The following HECW2 variants were observed in gnomAD, a reference collection of about 807,000 sequenced individuals.
The protein encoded by HECW2 is HECT, C2 and WW domain containing E3 ubiquitin protein ligase 2, also known as E3 ubiquitin-protein ligase HECW2.
In HECW2, 61 loss-of-function variants were observed where a neutral mutation model predicts 175.2. The observed-to-expected ratio is 0.35, with a 90% CI of 0.28 to 0.43. The LOEUF (loss-of-function observed/expected upper bound fraction) is 0.43. HECW2 is among the 20% of genes least tolerant of loss of function. The pLI is 1.00. For synonymous variants in HECW2, 671 were observed against 731.0 expected (o/e 0.92, Z 1.32); for missense variants, 1,524 against 2,000.5 (o/e 0.76, Z 4.54).
chr2:196,223,779 A>G (rs1171544707), intron 23 of HECW2, among the ~76,000 whole-genome samples: 1 of 152,226 alleles, frequency 6.6e-6, no homozygotes, highest in African/African-American at 2.4e-5. Flanking sequence ...GTAGAGACCA[A>G]TGAATAGACC....
At position 196,447,013 on chromosome 2, in the gene HECW2, C is replaced by T. The variant is rs539565161; in HGVS notation, c.-35-13555G>A. 1.2e-4 allele frequency among the ~76,000 whole-genome samples: 19 copies of T among 152,236 alleles called. No individual in the cohort carries two copies. In the South Asian group the frequency reaches 3.5e-3, roughly 28 times the overall value. On this transcript the variant is annotated intron_variant, in intron 1 of 28. Coordinates refer to ENST00000644978, the MANE Select transcript of HECW2 (RefSeq NM_001348768.2). ...TAAACTACTCAATTTATGAGATCCC[C>T]AATGAGGGCAAAGACTCATCTGGAA... is the stretch of plus-strand genomic sequence containing the variant.
Position 196,195,647 on chromosome 2 carries a change from A to C in HECW2, c.*5630T>G, listed in dbSNP as rs1686659801. The C allele has an allele frequency of 6.6e-6, 1 of 152,210 alleles. No homozygotes were observed. The highest frequency in any genetic ancestry group is 1.9e-4 in the East Asian group (1 of 5,204). The allele number at this position is 152,210 out of a possible 1,614,324, so 9.4% of individuals were successfully genotyped here. On this transcript the variant is annotated 3_prime_UTR_variant, in exon 29 of 29. Transcript: ENST00000644978. ...TTAAGTTATCTTTAGAAATCATGAA[A>C]ATGTCTCAAATGCTATTCTAATGTC...
chr2:196,589,038 A>G (rs187209103), intron 1 of HECW2, among the ~76,000 whole-genome samples: 17 of 152,178 alleles, frequency 1.1e-4, no homozygotes, highest in South Asian at 6.3e-4. Context: ...GTCTCTACTA[A>G]AAACACAAAA....
At chr2:196,240,612 A>G (rs1406840985) in intron 20 of HECW2, 50 bp from the exon 21 acceptor site, 1 of 1,442,318 alleles carries the variant, frequency 6.9e-7, no homozygotes, top group Non-Finnish European at 9.2e-7. Context: ...CTATACTATT[A>G]AAGATAATTT....
chr2:196,392,000 C>G (rs1348326402), intron 2 of HECW2, among the ~76,000 whole-genome samples: 1 of 152,140 alleles, frequency 6.6e-6, no homozygotes, highest in Non-Finnish European at 1.5e-5. Flanking sequence ...CCACTGTAAT[C>G]CAGTATGACC....
intron 28 of HECW2, among the ~76,000 whole-genome samples, chr2:196,203,769 T>G (rs1268556603): frequency 6.6e-6 from 1 of 152,192 alleles, no homozygotes; most frequent in East Asian, 1.9e-4. Flanking sequence ...ACCATGGCAT[T>G]AGTACACCTA....
intron 1 of HECW2, among the ~76,000 whole-genome samples, chr2:196,513,790 T>C (rs1479585063): frequency 6.6e-6 from 1 of 151,946 alleles, no homozygotes; most frequent in Non-Finnish European, 1.5e-5. Flanking sequence ...CAAAGAGGGG[T>C]CCATGGACCA....
At chr2:196,344,423 C>T (rs2105833582) in intron 2 of HECW2, among the ~76,000 whole-genome samples, 1 of 151,084 alleles carries the variant, frequency 6.6e-6, no homozygotes, top group South Asian at 2.1e-4. Context: ...CAGCATTTTC[C>T]AAGCTTTCTG....
At chr2:196,253,877 T>A (rs1291138116) in intron 19 of HECW2, 43 bp downstream of exon 19, 2 of 1,581,176 alleles carry the variant, frequency 1.3e-6, no homozygotes, top group East Asian at 2.2e-5. Context: ...GGCTTGAAGG[T>A]TCACTCCTCA....
chr2:196,527,051 G>A (rs1184557175), intron 1 of HECW2, among the ~76,000 whole-genome samples: 1 of 152,208 alleles, frequency 6.6e-6, no homozygotes, highest in Non-Finnish European at 1.5e-5. Flanking sequence ...GCAAGCCTGG[G>A]CAATGGCGGG....
chr2:196,584,799 T>A (rs550546017), intron 1 of HECW2, among the ~76,000 whole-genome samples: 1 of 152,178 alleles, frequency 6.6e-6, no homozygotes, highest in Non-Finnish European at 1.5e-5. Flanking sequence ...GAGCACTCCA[T>A]CTAAAGGAAG....
intron 2 of HECW2, among the ~76,000 whole-genome samples, chr2:196,414,599 G>T (rs1218950743): frequency 2.6e-5 from 4 of 152,118 alleles, no homozygotes; most frequent in African/African-American, 4.8e-5. Flanking sequence ...TTCCCCTGAG[G>T]TGGTCACTAG....
At chr2:196,307,480 A>G (rs1691312355) in intron 11 of HECW2, among the ~76,000 whole-genome samples, 1 of 152,158 alleles carries the variant, frequency 6.6e-6, no homozygotes, top group Admixed American at 6.5e-5. Flanking sequence ...GCCCTTAACT[A>G]AAGAAAAGTA....
intron 2 of HECW2, among the ~76,000 whole-genome samples, chr2:196,348,355 T>C (rs1693038288): frequency 6.6e-6 from 1 of 152,064 alleles, no homozygotes; most frequent in Admixed American, 6.6e-5. Context: ...GTAAGAACAA[T>C]AGTGGGCCCA....
chr2:196,418,982 A>C (rs547516574), intron 2 of HECW2, among the ~76,000 whole-genome samples: 7 of 152,358 alleles, frequency 4.6e-5, no homozygotes, highest in East Asian at 1.9e-4. Flanking sequence ...TCAATAAAAA[A>C]GTATTTACTC....
chr2:196,567,286 G>A (rs1690221675), intron 1 of HECW2, among the ~76,000 whole-genome samples: 1 of 152,168 alleles, frequency 6.6e-6, no homozygotes, highest in African/African-American at 2.4e-5. Context: ...CAGAAAGAAT[G>A]TTAAGACAAA....
chr2:196,383,455 G>A (rs1393114093), intron 2 of HECW2, among the ~76,000 whole-genome samples: 2 of 152,216 alleles, frequency 1.3e-5, no homozygotes, highest in African/African-American at 4.8e-5. Flanking sequence ...AAGAGCCTAG[G>A]AGAGAAAAGT....
intron 1 of HECW2, among the ~76,000 whole-genome samples, chr2:196,529,189 C>T (rs1219003407): frequency 6.6e-6 from 1 of 152,184 alleles, no homozygotes; most frequent in African/African-American, 2.4e-5. Flanking sequence ...CAAAGGACTT[C>T]TGGCTCTTGT....
intron 17 of HECW2, among the ~76,000 whole-genome samples, chr2:196,270,032 A>C (rs542823852): frequency 2.6e-5 from 4 of 152,182 alleles, no homozygotes; most frequent in Non-Finnish European, 4.4e-5. Flanking sequence ...ACTGATGAAA[A>C]CAGTTTGGCA....
Sources: allele counts gnomAD v4.1 joint callset (sites outside exome capture counted in the v4.1 genomes callset), GRCh38; gene constraint gnomAD v4.1.1; transcripts MANE v1.5; gene names NCBI Gene and HGNC (gene_info 2026-07-23, HGNC 2026-07-21).